NUCKS1: variants seen among roughly 807,000 people sequenced by gnomAD.
NUCKS1 encodes nuclear ubiquitous casein and cyclin-dependent kinase substrate 1.
In NUCKS1, 2 loss-of-function variants were observed where a neutral mutation model predicts 33.0. The observed-to-expected ratio is 0.06, with a 90% CI of 0.02 to 0.19. The LOEUF (loss-of-function observed/expected upper bound fraction) is 0.19, where lower values mean the gene tolerates loss of function less well. NUCKS1 is among the 10% of genes least tolerant of loss of function. The pLI, the probability that NUCKS1 is intolerant of heterozygous loss-of-function variation, is 1.00. For missense variants in NUCKS1, 201 were observed against 293.6 expected (o/e 0.68, Z 2.31); for synonymous variants, 106 against 102.8 (o/e 1.03, Z -0.19).
At chr1:205,724,994 A>G (rs16856217) in intron 3 of NUCKS1, among the ~76,000 whole-genome samples, 2,610 of 152,334 alleles carry the variant, frequency 0.017, 56 homozygotes, top group African/African-American at 0.045. Flanking sequence ...TTATGTCTTC[A>G]TAAGTCTTAA....
Position 205,719,679 on chromosome 1 carries a change from G to C in NUCKS1, c.383-3C>G. 1 of 1,603,964 alleles carries C rather than the reference G, an allele frequency of 6.2e-7. No individual in the cohort carries two copies. The highest frequency in any genetic ancestry group is 8.5e-7 in the Non-Finnish European group (1 of 1,177,414). ...ATCTTCATCGCTGCCGGAATCTTCT[G>C]AGAAGAAAGAAGAATTTCAACATCT... On this transcript the variant is annotated splice_polypyrimidine_tract_variant and splice_region_variant and intron_variant, in intron 5 of 6. Transcript: ENST00000367142.
At chr1:205,744,323 G>C (rs1654257493) in intron 1 of NUCKS1, among the ~76,000 whole-genome samples, 1 of 152,132 alleles carries the variant, frequency 6.6e-6, no homozygotes, top group East Asian at 1.9e-4. Context: ...CTAACCTCAG[G>C]CCTAACATAT....
Position 205,733,465 on chromosome 1 carries a change from T to C in NUCKS1, c.18-3844A>G, listed in dbSNP as rs149662136. Among the ~76,000 whole-genome samples, 46 of 152,274 alleles carry C rather than the reference T, an allele frequency of 3.0e-4. No homozygotes were observed. In the East Asian group the frequency reaches 7.7e-3, roughly 26 times the overall value. On this transcript the variant is annotated intron_variant, in intron 1 of 6. Coordinates refer to ENST00000367142, the MANE Select transcript of NUCKS1 (RefSeq NM_022731.5). ...GAAACACTCAAGAAAGGAATTAGTATGGACTCTTTGTACTAGGAATCCTGG... is the reference window on the plus strand; with the variant it reads ...GAAACACTCAAGAAAGGAATTAGTACGGACTCTTTGTACTAGGAATCCTGG...
Position 205,746,453 on chromosome 1 carries a change from T to TCACA in NUCKS1, c.17+3500_17+3503dup, listed in dbSNP as rs1216661558. On this transcript the variant is annotated intron_variant, in intron 1 of 6. Coordinates refer to ENST00000367142, the MANE Select transcript of NUCKS1 (RefSeq NM_022731.5). ...AAACTCACTTCTCTCTCTCTCTCTC[T>TCACA]CACACACACACACACACACACACAC... 1.2e-3 allele frequency among the ~76,000 whole-genome samples: 154 copies of TCACA among 124,574 alleles called. 3 individuals carry two copies. The highest frequency in any genetic ancestry group is 4.6e-3 in the African/African-American group (147 of 32,104). 81.7% of individuals were successfully genotyped at this position (124,574 alleles called of 152,430 possible).
At chr1:205,722,387 GCTGGGATTA>G (rs1220361521) in intron 4 of NUCKS1, among the ~76,000 whole-genome samples, 37 of 152,222 alleles carry the variant, frequency 2.4e-4, no homozygotes, top group Non-Finnish European at 3.4e-4. Context: ...CTCCCGAGTA[GCTGGGATTA>G]CAGGCACCCA....
chr1:205,736,080 G>T lies in NUCKS1; in HGVS notation c.18-6459C>A, dbSNP rs530237424. On this transcript the variant is annotated intron_variant, in intron 1 of 6. Transcript: ENST00000367142. ...AATTCTCCCAACTCAGCCTCCTGGG[G>T]AGTTGAGATTACAGGTGTGTGTCAC... Among the ~76,000 whole-genome samples the T allele has an allele frequency of 5.3e-5, 8 of 152,216 alleles. No individual in the cohort carries two copies. In the South Asian group the frequency reaches 1.7e-3, roughly 32 times the overall value.
At chr1:205,729,743 T>C (rs2102436917) in intron 1 of NUCKS1, 122 bp from the exon 2 acceptor site, 2 of 785,732 alleles carry the variant, frequency 2.5e-6, no homozygotes, top group East Asian at 2.6e-5. Flanking sequence ...ATTTAATTGC[T>C]GGACGTGGTG....
chr1:205,745,244 C>T (rs823130), intron 1 of NUCKS1, among the ~76,000 whole-genome samples: 49,836 of 152,048 alleles, frequency 0.33, 9,489 homozygotes, highest in Non-Finnish European at 0.43. Flanking sequence ...ACTGAAGGAA[C>T]GGGACTTAAG....
At chr1:205,742,393 T>C (rs969193825) in intron 1 of NUCKS1, among the ~76,000 whole-genome samples, 1 of 152,260 alleles carries the variant, frequency 6.6e-6, no homozygotes, top group Non-Finnish European at 1.5e-5. Context: ...ATTTAAATAG[T>C]AGTTATTTTA....
At chr1:205,740,008 T>TTTTC (rs1654127905) in intron 1 of NUCKS1, among the ~76,000 whole-genome samples, 2 of 140,484 alleles carry the variant, frequency 1.4e-5, no homozygotes, top group African/African-American at 5.2e-5. Flanking sequence ...TTTTTTTTTT[T>TTTTC]TTTTTTTTTT....
In NUCKS1 at chr1:205,729,552, G is replaced by C. The variant is rs1463316069; in HGVS notation, c.67+20C>G. ...CACTGGTCAGTCCAACTTAAAATTTGTTGAAACCACAAAACTTACCTGCAT... is the reference window on the plus strand; with the variant it reads ...CACTGGTCAGTCCAACTTAAAATTTCTTGAAACCACAAAACTTACCTGCAT... On this transcript the variant is annotated intron_variant, in intron 2 of 6. Transcript: ENST00000367142. 3 of 1,596,750 alleles carry C rather than the reference G, an allele frequency of 1.9e-6. No homozygotes were observed. The highest frequency in any genetic ancestry group is 2.6e-6 in the Non-Finnish European group (3 of 1,164,418).
chr1:205,725,408 C>T (rs1653729666), intron 3 of NUCKS1, among the ~76,000 whole-genome samples: 1 of 152,174 alleles, frequency 6.6e-6, no homozygotes, highest in Non-Finnish European at 1.5e-5. Flanking sequence ...AATTACTGAA[C>T]CCATGATTCC....
At chr1:205,728,523 TAAGTA>T (rs1319219343) in intron 2 of NUCKS1, among the ~76,000 whole-genome samples, 5 of 152,202 alleles carry the variant, frequency 3.3e-5, no homozygotes, top group Non-Finnish European at 5.9e-5. Flanking sequence ...CAGATTATTC[TAAGTA>T]AATATTAAAT....
intron 1 of NUCKS1, among the ~76,000 whole-genome samples, chr1:205,749,485 C>T (rs933559364): frequency 1.3e-5 from 2 of 152,140 alleles, no homozygotes; most frequent in African/African-American, 4.8e-5. Flanking sequence ...GGCTCAGGGC[C>T]CCCACCCCCG....
rs750196093 is a variant in NUCKS1, at chr1:205,719,668, C to A, written c.391G>T (p.Gly131Cys). ...TCCATTAGGAAATCTTCATCGCTGC[C>A]GGAATCTTCTGAGAAGAAAGAAGAA... ...DEAPFQEKDS[G>C]SDEDFLMEDD... Residue 131 changes from glycine (G) to cysteine (C), a missense_variant, in exon 6 of 7, where the codon GGC (glycine) becomes TGC (cysteine). Gly to Cys is a radical substitution (Grantham distance 159, BLOSUM62 -3). Coordinates refer to ENST00000367142, the MANE Select transcript of NUCKS1 (RefSeq NM_022731.5). 3 of 1,607,116 alleles carry A rather than the reference C, an allele frequency of 1.9e-6. No individual in the cohort carries two copies. The highest frequency in any genetic ancestry group is 2.3e-5 in the South Asian group (2 of 88,852).
intron 1 of NUCKS1, among the ~76,000 whole-genome samples, chr1:205,732,845 T>C (rs1406654501): frequency 6.7e-6 from 1 of 150,230 alleles, no homozygotes; most frequent in East Asian, 1.9e-4. Context: ...AATAAAAATA[T>C]ATTTTCTTTC....
intron 1 of NUCKS1, among the ~76,000 whole-genome samples, chr1:205,737,039 C>T (rs975862966): frequency 3.9e-5 from 6 of 152,060 alleles, no homozygotes; most frequent in Admixed American, 6.6e-5. Flanking sequence ...CTTTTTAACA[C>T]TTCCTCATAT....
At chr1:205,734,445 A>G (rs1653986391) in intron 1 of NUCKS1, among the ~76,000 whole-genome samples, 1 of 152,242 alleles carries the variant, frequency 6.6e-6, no homozygotes, top group South Asian at 2.1e-4. Flanking sequence ...GTGTAAAGCA[A>G]AATATGAATA....
At chr1:205,724,157 G>A (rs1671965278) in intron 3 of NUCKS1, 176 bp from the exon 4 acceptor site, 1 of 641,710 alleles carries the variant, frequency 1.6e-6, no homozygotes, top group South Asian at 1.7e-5. Context: ...TGGTGAATAA[G>A]CACAATTTTA....
Sources: allele counts gnomAD v4.1 joint callset (sites outside exome capture counted in the v4.1 genomes callset), GRCh38; gene constraint gnomAD v4.1.1; transcripts MANE v1.5; gene names NCBI Gene and HGNC (gene_info 2026-07-23, HGNC 2026-07-21).